The following METAP1D variants were observed in gnomAD, a reference collection of about 807,000 sequenced individuals.
METAP1D encodes the protein methionyl aminopeptidase type 1D, mitochondrial.
In METAP1D, 31 loss-of-function variants were observed where a neutral mutation model predicts 40.5. That is an observed-to-expected ratio of 0.77 (90% CI 0.58 to 1.03). METAP1D has a LOEUF of 1.03. Ranked by LOEUF, METAP1D falls within the 50% of genes least tolerant of loss-of-function variation. The pLI is 0.00. For missense variants in METAP1D, 411 were observed against 420.7 expected, an observed-to-expected ratio of 0.98 and a Z score of 0.20; for synonymous variants, 151 against 146.4, an observed-to-expected ratio of 1.03 and a Z score of -0.22.
At chr2:172,016,294 A>ATATATATATAC (rs1203234139) in intron 1 of METAP1D, among the ~76,000 whole-genome samples, 1 of 71,998 alleles carries the variant, frequency 1.4e-5, no homozygotes, top group Non-Finnish European at 3.0e-5. Flanking sequence ...AAAAAAAAAA[A>ATATATATATAC]AAAAAAATAT....
intron 1 of METAP1D, among the ~76,000 whole-genome samples, chr2:172,060,679 C>T (rs1690119899): frequency 6.6e-6 from 1 of 152,090 alleles, no homozygotes; most frequent in Non-Finnish European, 1.5e-5. Context: ...TTAATAGCTC[C>T]AGAATTTTCT....
At chr2:172,008,372 CTCA>C (rs1036415007) in intron 1 of METAP1D, among the ~76,000 whole-genome samples, 5 of 152,250 alleles carry the variant, frequency 3.3e-5, no homozygotes, top group African/African-American at 1.2e-4. Flanking sequence ...GAGAAACTTT[CTCA>C]TCAAGTATTT....
Position 172,080,761 on chromosome 2 carries a change from A to C in METAP1D, c.*355A>C. The C allele has an allele frequency of 7.8e-6, 3 of 385,974 alleles. No individual in the cohort carries two copies. The highest frequency in any genetic ancestry group is 2.7e-5 in the South Asian group (1 of 36,922). 23.9% of individuals were successfully genotyped at this position (385,974 alleles called of 1,614,324 possible). On this transcript the variant is annotated 3_prime_UTR_variant, in exon 10 of 10. Coordinates refer to ENST00000315796, the MANE Select transcript of METAP1D (RefSeq NM_199227.3). ...ACTGTTGGAGTAAAAAACCTCTTAA[A>C]TCCATTGTATCAGAGGTCCTTACCT...
At chr2:172,015,584 G>A (rs1055691614) in intron 1 of METAP1D, among the ~76,000 whole-genome samples, 4 of 152,164 alleles carry the variant, frequency 2.6e-5, no homozygotes, top group African/African-American at 7.2e-5. Context: ...ATGGGCTGTT[G>A]TATGGTCATT....
chr2:172,028,980 A>G (rs1689181540), intron 1 of METAP1D, among the ~76,000 whole-genome samples: 1 of 152,244 alleles, frequency 6.6e-6, no homozygotes, highest in Non-Finnish European at 1.5e-5. Flanking sequence ...GCAGAGACTG[A>G]ACAAAGTAGG....
chr2:172,001,880 T>G (rs1226285961), intron 1 of METAP1D, among the ~76,000 whole-genome samples: 3 of 152,028 alleles, frequency 2.0e-5, no homozygotes, highest in African/African-American at 7.3e-5. Context: ...GCAGATCACT[T>G]GAGGCCAGGA....
intron 1 of METAP1D, among the ~76,000 whole-genome samples, chr2:172,054,412 G>A (rs995784896): frequency 4.6e-5 from 7 of 151,956 alleles, no homozygotes; most frequent in African/African-American, 7.2e-5. Context: ...CCAGCTACTC[G>A]GGAGGCTGAG....
chr2:172,010,535 G>A (rs6749895), intron 1 of METAP1D, among the ~76,000 whole-genome samples: 25,952 of 120,140 alleles, frequency 0.22, 2,757 homozygotes, highest in Middle Eastern at 0.3. Flanking sequence ...ACTCTGTCAC[G>A]CAAGCTAGAG....
Position 172,022,613 on chromosome 2 carries a change from A to G in METAP1D, c.40+22604A>G, listed in dbSNP as rs577966832. On this transcript the variant is annotated intron_variant, in intron 1 of 9. Transcript: ENST00000315796. ...AAAAGTGGAATTGTTAATTTTTGCAATCTGGGTTGTATTAGATTTGGAATC... is the reference window on the plus strand; with the variant it reads ...AAAAGTGGAATTGTTAATTTTTGCAGTCTGGGTTGTATTAGATTTGGAATC... Among the ~76,000 whole-genome samples the G allele has an allele frequency of 1.4e-4, 22 of 152,274 alleles. No individual in the cohort carries two copies. In the South Asian group the frequency reaches 3.9e-3, roughly 27 times the overall value.
chr2:172,076,166 C>T (rs912345197), intron 6 of METAP1D, among the ~76,000 whole-genome samples: 5 of 150,872 alleles, frequency 3.3e-5, no homozygotes, highest in African/African-American at 1.2e-4. Context: ...GCCTGCCAAT[C>T]AGCCGGATCC....
intron 1 of METAP1D, among the ~76,000 whole-genome samples, chr2:172,045,238 A>G (rs1172589909): frequency 7.4e-6 from 1 of 134,500 alleles, no homozygotes; most frequent in African/African-American, 2.5e-5. Context: ...CTGTACTTGT[A>G]AAAAACACAT....
chr2:172,080,207 G>A lies in METAP1D; in HGVS notation c.929+1G>A, dbSNP rs1367854048. On this transcript the variant is annotated splice_donor_variant, in intron 9 of 9. Transcript: ENST00000315796. LOFTEE classifies it high-confidence loss of function. ...CTGTGGTCTCCCTAGACAATCAAAGGTGTTTGCTTTCTGCTCTGTTGCTTT... is the reference window on the plus strand; with the variant it reads ...CTGTGGTCTCCCTAGACAATCAAAGATGTTTGCTTTCTGCTCTGTTGCTTT... 12 of 1,614,190 alleles carry A rather than the reference G, an allele frequency of 7.4e-6. No homozygotes were observed. Among genetic ancestry groups the A allele is most frequent in the Non-Finnish European group, 1.0e-5 (12 of 1,180,020 alleles).
At chr2:172,049,526 T>A (rs1024488233) in intron 1 of METAP1D, among the ~76,000 whole-genome samples, 2 of 152,090 alleles carry the variant, frequency 1.3e-5, no homozygotes, top group African/African-American at 4.8e-5. Flanking sequence ...TTTAACACTT[T>A]GTACTTTTTG....
intron 5 of METAP1D, among the ~76,000 whole-genome samples, chr2:172,068,505 A>G (rs1223457474): frequency 6.6e-6 from 1 of 150,674 alleles, no homozygotes; most frequent in Admixed American, 6.6e-5. Flanking sequence ...GTATATAGTG[A>G]ATCTTTTAAG....
At chr2:172,033,058 CTAAATAAA>C (rs571735409) in intron 1 of METAP1D, among the ~76,000 whole-genome samples, 22 of 151,288 alleles carry the variant, frequency 1.5e-4, no homozygotes, top group South Asian at 4.2e-4. Context: ...GACTCCATCT[CTAAATAAA>C]TAAATAAATA....
In METAP1D at chr2:172,035,154, T is replaced by TGTTTG. The variant is rs35965969; in HGVS notation, c.41-26344_41-26343insGTTTG. ...ATGTAACTACTGTACTGTGTTTTTT[T>TGTTTG]TTTGTTTGTTTGTTTGTTTGTTTGT... On this transcript the variant is annotated intron_variant, in intron 1 of 9. Coordinates refer to ENST00000315796, the MANE Select transcript of METAP1D (RefSeq NM_199227.3). Among the ~76,000 whole-genome samples, 109 of 150,198 alleles carry TGTTTG rather than the reference T, an allele frequency of 7.3e-4. 2 individuals carry two copies. The highest frequency in any genetic ancestry group is 2.0e-3 in the Admixed American group (30 of 15,092).
chr2:172,054,632 A>G (rs1189056334), intron 1 of METAP1D, among the ~76,000 whole-genome samples: 2 of 152,260 alleles, frequency 1.3e-5, no homozygotes, highest in Non-Finnish European at 2.9e-5. Flanking sequence ...TGCAGCTTTT[A>G]GAAATGGATG....
chr2:172,075,511 GC>G (rs1216976163), intron 6 of METAP1D, among the ~76,000 whole-genome samples: 1 of 152,242 alleles, frequency 6.6e-6, no homozygotes, highest in East Asian at 1.9e-4. Context: ...AACTCCCCAT[GC>G]CACAGTTAGG....
intron 1 of METAP1D, 29 bp downstream of exon 1, chr2:172,000,038 G>A (rs1688420878): frequency 3.9e-6 from 5 of 1,282,206 alleles, no homozygotes; most frequent in Non-Finnish European, 4.0e-6. Context: ...GCCCCGTGAG[G>A]GTTCGCACGG....
Sources: gnomAD v4.1 joint callset for allele counts (sites outside exome capture counted in the v4.1 genomes callset) on GRCh38, gnomAD v4.1.1 for gene constraint, MANE v1.5 for transcripts, NCBI Gene and HGNC (gene_info 2026-07-23, HGNC 2026-07-21) for gene names.